Variants in ASAP1 observed in about 807,000 individuals in gnomAD.
The protein encoded by ASAP1 is arf-GAP with SH3 domain, ANK repeat and PH domain-containing protein 1.
ASAP1 carries 43 observed loss-of-function variants against 145.2 expected under a neutral mutation model. The ratio of observed to expected loss-of-function variants is 0.30; its 90% CI spans 0.23 to 0.38. The LOEUF is 0.38. Among genes scored for constraint, ASAP1 ranks in the 10% least tolerant of loss-of-function variants. ASAP1 has a pLI of 1.00. For synonymous variants in ASAP1, 546 were observed against 515.5 expected (o/e 1.06, Z -0.80); for missense variants, 1,018 against 1,355.3 (o/e 0.75, Z 3.91).
chr8:130,169,113 AG>A, intron 9 of ASAP1, 46 bp from the exon 10 acceptor site: 3 of 1,192,514 alleles, frequency 2.5e-6, no homozygotes, highest in Non-Finnish European at 3.6e-6. Context: ...TAAAAAAAAA[AG>A]AGTATTTGTT....
In ASAP1 at chr8:130,131,321, T is replaced by C. The variant is rs553995694; in HGVS notation, c.1217+2975A>G. Among the ~76,000 whole-genome samples the C allele has an allele frequency of 2.0e-5, 3 of 151,882 alleles. No homozygotes were observed. The East Asian group carries it at 5.8e-4, about 29-fold the overall frequency. Reference sequence around the variant, plus strand: ...TCATCGAACACTTTCATATGAAAAATAAACTCAATGATGCAGTGAAACTGC... The same window carrying C: ...TCATCGAACACTTTCATATGAAAAACAAACTCAATGATGCAGTGAAACTGC... On this transcript the variant is annotated intron_variant, in intron 15 of 29. Transcript: ENST00000518721.
chr8:130,244,661 T>C (rs541104808), intron 3 of ASAP1, among the ~76,000 whole-genome samples: 22 of 152,200 alleles, frequency 1.4e-4, no homozygotes, highest in Non-Finnish European at 2.8e-4. Flanking sequence ...CCTGTCTGTA[T>C]GGCACACCTT....
At chr8:130,241,666 A>G (rs1000454078) in intron 3 of ASAP1, among the ~76,000 whole-genome samples, 1 of 152,172 alleles carries the variant, frequency 6.6e-6, no homozygotes, top group Non-Finnish European at 1.5e-5. Flanking sequence ...GTTTAAAGGT[A>G]TACATATCTA....
chr8:130,067,768 A>G (rs990681315), intron 27 of ASAP1, among the ~76,000 whole-genome samples: 3 of 152,186 alleles, frequency 2.0e-5, no homozygotes, highest in African/African-American at 7.2e-5. Flanking sequence ...TTCATCCACA[A>G]AAGGAACGGT....
chr8:130,318,792 C>T (rs1466632379), intron 3 of ASAP1, among the ~76,000 whole-genome samples: 1 of 152,060 alleles, frequency 6.6e-6, no homozygotes, highest in Non-Finnish European at 1.5e-5. Context: ...AGCGTTTCCC[C>T]TCATCTCAGA....
chr8:130,419,202 T>C (rs1046256150), intron 1 of ASAP1, among the ~76,000 whole-genome samples: 44 of 152,342 alleles, frequency 2.9e-4, no homozygotes, highest in African/African-American at 1.0e-3. Flanking sequence ...ATGGGTTTTC[T>C]GCCCAGCATC....
chr8:130,348,996 G>A (rs1039301618), intron 3 of ASAP1, among the ~76,000 whole-genome samples: 2 of 152,320 alleles, frequency 1.3e-5, no homozygotes, highest in African/African-American at 4.8e-5. Flanking sequence ...GGGTGTAGAA[G>A]AAGGCAGAAA....
intron 3 of ASAP1, among the ~76,000 whole-genome samples, chr8:130,329,070 T>C (rs543959244): frequency 1.3e-5 from 2 of 152,312 alleles, no homozygotes; most frequent in South Asian, 2.1e-4. Flanking sequence ...CACTTCATTT[T>C]ACTCCTGACC....
chr8:130,393,825 T>G (rs1828396933), intron 2 of ASAP1, among the ~76,000 whole-genome samples: 1 of 152,158 alleles, frequency 6.6e-6, no homozygotes, highest in South Asian at 2.1e-4. Flanking sequence ...ATTGTGAAGA[T>G]TTCATGGACA....
At chr8:130,174,776 T>C (rs1813839228) in intron 9 of ASAP1, among the ~76,000 whole-genome samples, 1 of 152,258 alleles carries the variant, frequency 6.6e-6, no homozygotes, top group African/African-American at 2.4e-5. Flanking sequence ...CTTCTTTCAC[T>C]TAGCATTAAT....
intron 1 of ASAP1, among the ~76,000 whole-genome samples, chr8:130,436,236 A>C (rs1329688386): frequency 6.6e-6 from 1 of 152,226 alleles, no homozygotes; most frequent in Non-Finnish European, 1.5e-5. Flanking sequence ...TAAAATTATA[A>C]ACTCTCACCT....
At chr8:130,071,324 T>A (rs1434809620) in intron 27 of ASAP1, among the ~76,000 whole-genome samples, 2 of 152,214 alleles carry the variant, frequency 1.3e-5, no homozygotes, top group African/African-American at 4.8e-5. Flanking sequence ...ACCATGTTTT[T>A]AAATATTATG....
At chr8:130,101,868 C>G (rs975128896) in intron 24 of ASAP1, among the ~76,000 whole-genome samples, 1 of 150,954 alleles carries the variant, frequency 6.6e-6, no homozygotes. Context: ...GCATCACACC[C>G]GGCTTTTTCT....
chr8:130,260,103 T>C (rs1397599899), intron 3 of ASAP1, among the ~76,000 whole-genome samples: 1 of 152,232 alleles, frequency 6.6e-6, no homozygotes, highest in Non-Finnish European at 1.5e-5. Flanking sequence ...TAAGAATCTA[T>C]GTTTTTCTTT....
intron 27 of ASAP1, among the ~76,000 whole-genome samples, chr8:130,066,512 ATTTCTTTCT>A (rs1218018750): frequency 1.3e-5 from 2 of 151,924 alleles, no homozygotes; most frequent in South Asian, 4.2e-4. Flanking sequence ...TACCTGGCCT[ATTTCTTTCT>A]TTTCTTTCTT....
intron 2 of ASAP1, among the ~76,000 whole-genome samples, chr8:130,399,391 T>C (rs1828674090): frequency 6.6e-6 from 1 of 152,108 alleles, no homozygotes; most frequent in South Asian, 2.1e-4. Context: ...ATAATTAATA[T>C]CACCTGAAAA....
chr8:130,214,499 T>C, intron 5 of ASAP1, 57 bp downstream of exon 5: 1 of 1,483,980 alleles, frequency 6.7e-7, no homozygotes, highest in South Asian at 1.3e-5. Context: ...GTTCTCTATA[T>C]GACGTAATAT....
At chr8:130,352,175 A>T (rs1184795496) in intron 3 of ASAP1, among the ~76,000 whole-genome samples, 4 of 150,940 alleles carry the variant, frequency 2.7e-5, no homozygotes, top group African/African-American at 9.8e-5. Flanking sequence ...ATTAAGCAAA[A>T]GTATAAATCT....
At chr8:130,256,066 C>T (rs1819495769) in intron 3 of ASAP1, among the ~76,000 whole-genome samples, 2 of 152,012 alleles carry the variant, frequency 1.3e-5, no homozygotes, top group Admixed American at 6.6e-5. Context: ...GTTCACAGAC[C>T]CAGGGACCTA....
Sources: gnomAD v4.1 joint callset for allele counts (sites outside exome capture counted in the v4.1 genomes callset) on GRCh38, gnomAD v4.1.1 for gene constraint, MANE v1.5 for transcripts, NCBI Gene and HGNC (gene_info 2026-07-23, HGNC 2026-07-21) for gene names.